The following FHL5 variants were observed in gnomAD, a reference collection of about 807,000 sequenced individuals.
FHL5 encodes the protein four and a half LIM domains protein 5.
In FHL5, 33 loss-of-function variants were observed where a neutral mutation model predicts 32.0. The ratio of observed to expected loss-of-function variants is 1.03; its 90% CI spans 0.78 to 1.38. The LOEUF is 1.38. Among genes scored for constraint, FHL5 ranks in the 40% most tolerant of loss-of-function variants. FHL5 has a pLI of 0.00. For missense variants in FHL5, 336 were observed against 343.9 expected, an observed-to-expected ratio of 0.98 and a Z score of 0.18; for synonymous variants, 114 against 113.6, an observed-to-expected ratio of 1.00 and a Z score of -0.02.
At chr6:96,613,440 C>A (rs1461144996) in intron 5 of FHL5, among the ~76,000 whole-genome samples, 1 of 152,184 alleles carries the variant, frequency 6.6e-6, no homozygotes, top group African/African-American at 2.4e-5. Context: ...GTGAAAGGTG[C>A]TCTGGACTGA....
chr6:96,565,154 T>C (rs1329569586), intron 1 of FHL5, among the ~76,000 whole-genome samples: 1 of 152,160 alleles, frequency 6.6e-6, no homozygotes, highest in Non-Finnish European at 1.5e-5. Flanking sequence ...TAGTAAAACA[T>C]TCTTATGGGT....
At chr6:96,577,967 G>A (rs1237857258) in intron 1 of FHL5, among the ~76,000 whole-genome samples, 2 of 149,232 alleles carry the variant, frequency 1.3e-5, no homozygotes, top group African/African-American at 2.5e-5. Context: ...AAGTCAGTTC[G>A]CCTCTCTGAA....
At chr6:96,569,680 T>C (rs1221115811) in intron 1 of FHL5, among the ~76,000 whole-genome samples, 1 of 152,066 alleles carries the variant, frequency 6.6e-6, no homozygotes, top group Admixed American at 6.5e-5. Flanking sequence ...TCTTTTTGTT[T>C]AAAGTCTGCT....
At chr6:96,574,873 T>G (rs189071968) in intron 1 of FHL5, among the ~76,000 whole-genome samples, 1 of 152,200 alleles carries the variant, frequency 6.6e-6, no homozygotes, top group Admixed American at 6.5e-5. Flanking sequence ...TGAAAAAGAT[T>G]GATTAGTAGA....
chr6:96,584,635 C>G (rs1428756973), intron 1 of FHL5, among the ~76,000 whole-genome samples: 1 of 152,040 alleles, frequency 6.6e-6, no homozygotes, highest in Non-Finnish European at 1.5e-5. Flanking sequence ...GAAAGATGAT[C>G]AGATGAGGCT....
At chr6:96,610,967 A>C (rs762381826) in intron 5 of FHL5, among the ~76,000 whole-genome samples, 2 of 152,200 alleles carry the variant, frequency 1.3e-5, no homozygotes, top group Non-Finnish European at 2.9e-5. Context: ...GGGTGACTAT[A>C]CTCTGTGAAG....
At position 96,603,675 on chromosome 6, in the gene FHL5, T is replaced by C. The variant is rs1187619229; in HGVS notation, c.62T>C (p.Val21Ala). ...GCATCACTTCTTGGGAAGAAATATGTACTAAAGGATGACAGTCCATACTGT... is the reference window on the plus strand; with the variant it reads ...GCATCACTTCTTGGGAAGAAATATGCACTAAAGGATGACAGTCCATACTGT... The part of the protein sequence containing the change: ...CTASLLGKKY[V>A]LKDDSPYCVT... The change falls in exon 2 of 6, where the codon GTA becomes GCA. Residue 21 changes from valine to alanine, a missense_variant. Coordinates refer to ENST00000450218, the MANE Select transcript of FHL5 (RefSeq NM_001322466.2). 1.9e-6 allele frequency: 3 copies of C among 1,611,622 alleles called. No individual in the cohort carries two copies. The highest frequency in any genetic ancestry group is 2.5e-6 in the Non-Finnish European group (3 of 1,178,216).
chr6:96,595,668 C>T (rs1771020171), intron 1 of FHL5, among the ~76,000 whole-genome samples: 1 of 151,426 alleles, frequency 6.6e-6, no homozygotes. Flanking sequence ...ATCTTTAGTT[C>T]TATTTCCAAG....
At chr6:96,583,314 T>C (rs189847957) in intron 1 of FHL5, among the ~76,000 whole-genome samples, 12 of 152,290 alleles carry the variant, frequency 7.9e-5, no homozygotes, top group Admixed American at 6.5e-5. Context: ...ATTTTTCTAC[T>C]GTAGAATGTG....
intron 1 of FHL5, among the ~76,000 whole-genome samples, chr6:96,594,913 C>A (rs1359989039): frequency 1.3e-5 from 2 of 151,888 alleles, no homozygotes; most frequent in Non-Finnish European, 2.9e-5. Flanking sequence ...GATTAACAAT[C>A]AACTCTTTCC....
intron 4 of FHL5, among the ~76,000 whole-genome samples, chr6:96,607,646 A>T (rs188123770): frequency 6.6e-6 from 1 of 152,084 alleles, no homozygotes; most frequent in Non-Finnish European, 1.5e-5. Context: ...GCCATATGAC[A>T]TATGAAGCTC....
chr6:96,610,857 C>A, intron 5 of FHL5, 99 bp downstream of exon 5: 3 of 857,546 alleles, frequency 3.5e-6, no homozygotes, highest in Non-Finnish European at 5.5e-6. Flanking sequence ...AAATGGGAAG[C>A]TTTCCTTTAT....
At chr6:96,610,452 C>CT (rs375294450) in intron 4 of FHL5, 120 bp from the exon 5 acceptor site, 6,023 of 652,948 alleles carry the variant, frequency 9.2e-3, no homozygotes, top group Middle Eastern at 0.015. Flanking sequence ...ATGAAATGAT[C>CT]TTTTTTTTTT....
chr6:96,577,487 T>A lies in FHL5; in HGVS notation c.-13+14132T>A, dbSNP rs553440194. On this transcript the variant is annotated intron_variant, in intron 1 of 5. Coordinates refer to ENST00000450218, the MANE Select transcript of FHL5 (RefSeq NM_001322466.2). ...CCCATACACCACACATGTACACACA[T>A]CACTAACCTCATTTTATCAGATGAG... Among the ~76,000 whole-genome samples the A allele has an allele frequency of 9.2e-5, 14 of 152,090 alleles. No homozygotes were observed. The South Asian group carries it at 2.5e-3, about 27-fold the overall frequency.
intron 1 of FHL5, among the ~76,000 whole-genome samples, chr6:96,566,205 T>C (rs893650994): frequency 2.6e-5 from 4 of 152,004 alleles, no homozygotes; most frequent in Non-Finnish European, 5.9e-5. Context: ...TCTCCTTCTA[T>C]GAGATTGACT....
chr6:96,582,463 C>G (rs1350375137), intron 1 of FHL5, among the ~76,000 whole-genome samples: 1 of 151,978 alleles, frequency 6.6e-6, no homozygotes, highest in Non-Finnish European at 1.5e-5. Context: ...CTGTATTTTA[C>G]TTCTATTTCA....
intron 4 of FHL5, among the ~76,000 whole-genome samples, chr6:96,608,629 A>G (rs1439112807): frequency 6.6e-6 from 1 of 152,216 alleles, no homozygotes; most frequent in African/African-American, 2.4e-5. Flanking sequence ...CTTCAAATTC[A>G]AACTCCTCAA....
intron 1 of FHL5, among the ~76,000 whole-genome samples, chr6:96,563,760 G>C (rs1310474760): frequency 6.6e-6 from 1 of 152,054 alleles, no homozygotes; most frequent in Non-Finnish European, 1.5e-5. Flanking sequence ...CATATTTTAT[G>C]ACTAGATTTA....
rs1335804524 is a variant in FHL5 at position 96,615,761 on chromosome 6, A to G, written c.844A>G (p.Thr282Ala). ...CCAAAAATGTGGCTCCGGAATGGACACTGACATCTAGGAGACAGTCCTTGC... is the reference window on the plus strand; with the variant it reads ...CCAAAAATGTGGCTCCGGAATGGACGCTGACATCTAGGAGACAGTCCTTGC... ...FCQKCGSGMD[T>A]DI Residue 282 changes from threonine to alanine, a missense_variant, in exon 6 of 6, where the codon ACT becomes GCT. Physicochemically the swap from Thr to Ala is moderately conservative, Grantham distance 58. Transcript: ENST00000450218. The G allele has an allele frequency of 6.2e-7, 1 of 1,608,818 alleles. No individual in the cohort carries two copies. The highest frequency in any genetic ancestry group is 1.1e-5 in the South Asian group (1 of 90,054).
Sources: gnomAD v4.1 joint callset for allele counts (sites outside exome capture counted in the v4.1 genomes callset) on GRCh38, gnomAD v4.1.1 for gene constraint, MANE v1.5 for transcripts, NCBI Gene and HGNC (gene_info 2026-07-23, HGNC 2026-07-21) for gene names.